The following TCF20 variants were observed in gnomAD, a reference collection of about 807,000 sequenced individuals.
TCF20 encodes transcription factor 20, also known as SPRE-binding protein.
A neutral mutation model predicts 148.6 loss-of-function variants in TCF20; 3 were observed. That is an observed-to-expected ratio of 0.02 (90% CI 0.01 to 0.05). The LOEUF (loss-of-function observed/expected upper bound fraction) is 0.05, where lower values mean the gene tolerates loss of function less well. Ranked by LOEUF, TCF20 falls within the 10% of genes least tolerant of loss-of-function variation. The probability of loss-of-function intolerance (pLI) is 1.00; values close to 1 mark genes in which losing one functional copy is unlikely to be tolerated. For missense variants in TCF20, 2,350 were observed against 2,429.3 expected (o/e 0.97, Z 0.69); for synonymous variants, 1,049 against 909.5 (o/e 1.15, Z -2.76).
chr22:42,206,759 A>C (rs1435282082), intron 2 of TCF20, among the ~76,000 whole-genome samples: 1 of 152,214 alleles, frequency 6.6e-6, no homozygotes, highest in Non-Finnish European at 1.5e-5. Flanking sequence ...GACTGAATTA[A>C]AATGTTCTAA....
At chr22:42,163,084 C>G (rs1302898459) in intron 5 of TCF20, among the ~76,000 whole-genome samples, 1 of 152,234 alleles carries the variant, frequency 6.6e-6, no homozygotes, top group Non-Finnish European at 1.5e-5. Context: ...CCCTGCCAGG[C>G]TCTGCTCAAG....
rs535683678 is a variant in TCF20, at chr22:42,178,732, G to A, written c.5749+877C>T. Among the ~76,000 whole-genome samples the A allele has an allele frequency of 1.5e-3, 232 of 151,542 alleles. 1 individual carries two copies. Among genetic ancestry groups the A allele is most frequent in the Middle Eastern group, 0.014 (4 of 294 alleles). ...CGAGTAGCTGGGACTATAGGTGCGC[G>A]TCACATCTGGCTAATTTTTGTAGTT... On this transcript the variant is annotated intron_variant, in intron 3 of 5. Coordinates refer to ENST00000677622, the MANE Select transcript of TCF20 (RefSeq NM_001378418.1).
chr22:42,175,163 A>G (rs1024751003), intron 3 of TCF20, among the ~76,000 whole-genome samples: 2 of 152,232 alleles, frequency 1.3e-5, no homozygotes, highest in African/African-American at 4.8e-5. Context: ...GAGGTAATGA[A>G]AATGAGAAAA....
At chr22:42,304,653 G>A (rs141743460) in intron 1 of TCF20, among the ~76,000 whole-genome samples, 46 of 152,290 alleles carry the variant, frequency 3.0e-4, no homozygotes, top group African/African-American at 1.1e-3. Context: ...AACCCTATGA[G>A]GTGGGCAGAA....
In TCF20 at chr22:42,213,690, C is replaced by A. The variant is rs1921310663; in HGVS notation, c.1616G>T (p.Gly539Val). 6.2e-7 allele frequency: 1 copy of A among 1,613,902 alleles called. No individual in the cohort carries two copies. The highest frequency in any genetic ancestry group is 8.5e-7 in the Non-Finnish European group (1 of 1,179,952). ...DQGERVRQLS[G>V]QSTSSDTTYK... ...GGTGGTGTCAGAGCTGGTGCTCTGG[C>A]CACTTAGTTGCCGCACTCTCTCGCC... The change falls in exon 2 of 6, where the codon GGC becomes GTC. Residue 539 changes from glycine (G) to valine (V), a missense_variant. Gly to Val is a moderately radical substitution (Grantham distance 109). Coordinates refer to ENST00000677622, the MANE Select transcript of TCF20 (RefSeq NM_001378418.1).
intron 1 of TCF20, among the ~76,000 whole-genome samples, chr22:42,242,494 G>A (rs962755750): frequency 1.3e-5 from 2 of 152,000 alleles, no homozygotes; most frequent in African/African-American, 2.4e-5. Flanking sequence ...TCATATTAGG[G>A]GTTATCATAG....
chr22:42,258,598 T>G (rs974866214), intron 1 of TCF20, among the ~76,000 whole-genome samples: 3 of 152,168 alleles, frequency 2.0e-5, no homozygotes, highest in African/African-American at 7.2e-5. Context: ...AAGCATTCAG[T>G]AGAAACCCTA....
intron 1 of TCF20, among the ~76,000 whole-genome samples, chr22:42,219,727 G>A (rs1233947631): frequency 2.0e-5 from 3 of 151,912 alleles, no homozygotes; most frequent in African/African-American, 7.3e-5. Context: ...ATGGTGATGC[G>A]TGCCTGTAGT....
intron 1 of TCF20, among the ~76,000 whole-genome samples, chr22:42,255,488 AAACAACAAC>A (rs71746301): frequency 1.1e-3 from 31 of 29,312 alleles, no homozygotes; most frequent in Non-Finnish European, 2.2e-3. Flanking sequence ...ACTTCATCTC[AAACAACAAC>A]AACAACAACA....
intron 3 of TCF20, among the ~76,000 whole-genome samples, chr22:42,171,138 G>A (rs550399495): frequency 3.0e-4 from 46 of 152,212 alleles, no homozygotes; most frequent in Non-Finnish European, 6.3e-4. Context: ...TCACACAAGG[G>A]TAGTGCATGG....
At chr22:42,198,948 A>C (rs1868699323) in intron 2 of TCF20, among the ~76,000 whole-genome samples, 1 of 152,192 alleles carries the variant, frequency 6.6e-6, no homozygotes, top group Non-Finnish European at 1.5e-5. Context: ...TACAGGCGTG[A>C]GCCACTGCGC....
Position 42,241,290 on chromosome 22 carries a change from C to A in TCF20, c.-36-25949G>T, listed in dbSNP as rs5996134. On this transcript the variant is annotated intron_variant, in intron 1 of 5. Transcript: ENST00000677622. ...CATGTCCAGCACACAAACATATGAACAAAGTACCATGAGTAAGAACCATGA... is the reference window on the plus strand; with the variant it reads ...CATGTCCAGCACACAAACATATGAAAAAAGTACCATGAGTAAGAACCATGA... Among the ~76,000 whole-genome samples the A allele has an allele frequency of 4.5e-4, 68 of 152,212 alleles. 1 individual carries two copies. The highest frequency in any genetic ancestry group is 1.6e-3 in the African/African-American group (68 of 41,536).
At chr22:42,218,223 G>A (rs946058779) in intron 1 of TCF20, among the ~76,000 whole-genome samples, 8 of 152,198 alleles carry the variant, frequency 5.3e-5, no homozygotes, top group Admixed American at 2.0e-4. Context: ...GCTGGGGGCA[G>A]GACATGTTTT....
rs145931877 is a variant in TCF20, at chr22:42,261,147, G to A, written c.-37+9192C>T. Among the ~76,000 whole-genome samples the A allele has an allele frequency of 2.8e-4, 43 of 152,304 alleles. No homozygotes were observed. The East Asian group carries it at 8.1e-3, about 29-fold the overall frequency. On this transcript the variant is annotated intron_variant, in intron 1 of 5. Transcript: ENST00000677622. Reference sequence around the variant, plus strand: ...TTGGTTTTTCACTGAGCATATTTGTGAGATTAATCCTTATTACACGTATCT... The same window carrying A: ...TTGGTTTTTCACTGAGCATATTTGTAAGATTAATCCTTATTACACGTATCT...
chr22:42,164,163 T>TG (rs1244554376), intron 5 of TCF20, among the ~76,000 whole-genome samples: 1 of 151,810 alleles, frequency 6.6e-6, no homozygotes, highest in Non-Finnish European at 1.5e-5. Context: ...AGGGCACCGA[T>TG]GGTCAGGGTC....
Position 42,213,583 on chromosome 22 carries a change from G to A in TCF20, c.1723C>T (p.Pro575Ser). Residue 575 changes from proline (P) to serine (S), a missense_variant, in exon 2 of 6, where the codon CCT (proline) becomes TCT (serine). Pro to Ser is a moderately conservative substitution (Grantham distance 74, BLOSUM62 -1). Coordinates refer to ENST00000677622, the MANE Select transcript of TCF20 (RefSeq NM_001378418.1). ...GAGGTGGCCTCTTCTCTTGCGGCAG[G>A]ACTAGCATTGAGTCTGGGGGGTTCA... Reference protein sequence around the residue: ...QNEPPRLNASPAAREEATSPG... With the variant: ...QNEPPRLNASSAAREEATSPG... 2 of 1,614,124 alleles carry A rather than the reference G, an allele frequency of 1.2e-6. No individual in the cohort carries two copies. Among genetic ancestry groups the A allele is most frequent in the Non-Finnish European group, 8.5e-7 (1 of 1,180,032 alleles).
chr22:42,341,330 G>T (rs1313418940), intron 1 of TCF20, among the ~76,000 whole-genome samples: 3 of 152,160 alleles, frequency 2.0e-5, no homozygotes, highest in African/African-American at 7.2e-5. Flanking sequence ...CTGGCGCTCG[G>T]CCAGAGGGCC....
chr22:42,246,973 TAA>T (rs745840080), intron 1 of TCF20, among the ~76,000 whole-genome samples: 10 of 59,868 alleles, frequency 1.7e-4, no homozygotes, highest in Non-Finnish European at 3.3e-4. Flanking sequence ...CTCAAAAAAT[TAA>T]AAAAAAAAAA....
chr22:42,270,973 G>C (rs1601685556), upstream of TCF20, among the ~76,000 whole-genome samples: 1 of 152,234 alleles, frequency 6.6e-6, no homozygotes, highest in South Asian at 2.1e-4. Context: ...AACTTTCTGG[G>C]GGAGTTGGTG....
Sources: gnomAD v4.1 joint callset for allele counts (sites outside exome capture counted in the v4.1 genomes callset) on GRCh38, gnomAD v4.1.1 for gene constraint, MANE v1.5 for transcripts, NCBI Gene and HGNC (gene_info 2026-07-23, HGNC 2026-07-21) for gene names.